The following SLC7A2 variants were observed in gnomAD, a reference collection of about 807,000 sequenced individuals.
SLC7A2 encodes the protein cationic amino acid transporter 2.
SLC7A2 carries 48 observed loss-of-function variants against 58.9 expected under a neutral mutation model. The ratio of observed to expected loss-of-function variants is 0.82; its 90% confidence interval spans 0.65 to 1.04. The LOEUF (loss-of-function observed/expected upper bound fraction) is 1.04. Ranked by LOEUF, SLC7A2 falls within the 50% of genes least tolerant of loss-of-function variation. The probability of loss-of-function intolerance (pLI) is 0.00; values close to 1 mark genes in which losing one functional copy is unlikely to be tolerated. For synonymous variants in SLC7A2, 363 were observed against 314.5 expected (o/e 1.15, Z -1.63); for missense variants, 1,029 against 818.8 (o/e 1.26, Z -3.13).
At chr8:17,508,713 C>CAA in intron 2 of SLC7A2, among the ~76,000 whole-genome samples, 1 of 150,262 alleles carries the variant, frequency 6.7e-6, no homozygotes, top group African/African-American at 2.4e-5. Context: ...GACTCTGTCT[C>CAA]AAAAAAAATA....
At chr8:17,551,301 T>C (rs1291959853) in intron 6 of SLC7A2, among the ~76,000 whole-genome samples, 1 of 152,192 alleles carries the variant, frequency 6.6e-6, no homozygotes, top group African/African-American at 2.4e-5. Flanking sequence ...GGAAATTTCA[T>C]GTAAAACAGA....
chr8:17,501,139 G>A (rs1800143850), intron 1 of SLC7A2, among the ~76,000 whole-genome samples: 1 of 151,830 alleles, frequency 6.6e-6, no homozygotes, highest in East Asian at 1.9e-4. Flanking sequence ...TCAGCCTCCC[G>A]AGTAGCTGGG....
chr8:17,550,904 C>T (rs934585091), intron 6 of SLC7A2, among the ~76,000 whole-genome samples: 1 of 152,140 alleles, frequency 6.6e-6, no homozygotes, highest in Non-Finnish European at 1.5e-5. Context: ...TCTCTAAATG[C>T]CTCCTCTATT....
chr8:17,540,194 G>C (rs775903395), intron 2 of SLC7A2, among the ~76,000 whole-genome samples: 1 of 152,092 alleles, frequency 6.6e-6, no homozygotes, highest in African/African-American at 2.4e-5. Flanking sequence ...GACCCAATAT[G>C]TTTTTTCCTT....
At chr8:17,496,461 T>C (rs777474089), upstream of SLC7A2, among the ~76,000 whole-genome samples, 16 of 152,160 alleles carry the variant, frequency 1.1e-4, no homozygotes, top group Admixed American at 3.9e-4. Context: ...ACTCCTAAAG[T>C]AAACAATAGC....
chr8:17,534,556 C>T (rs1213932909), intron 2 of SLC7A2, among the ~76,000 whole-genome samples: 1 of 152,030 alleles, frequency 6.6e-6, no homozygotes, highest in East Asian at 1.9e-4. Context: ...AAATATCATG[C>T]CAAATATTAC....
At chr8:17,494,756 T>G (rs550723242), upstream of SLC7A2, among the ~76,000 whole-genome samples, 1 of 152,214 alleles carries the variant, frequency 6.6e-6, no homozygotes, top group Non-Finnish European at 1.5e-5. Flanking sequence ...GGATTCAGGG[T>G]TAATCAATAA....
intron 2 of SLC7A2, among the ~76,000 whole-genome samples, chr8:17,540,744 T>C (rs1801876221): frequency 6.6e-6 from 1 of 152,200 alleles, no homozygotes; most frequent in Non-Finnish European, 1.5e-5. Context: ...CTTATTCTTT[T>C]ATTTTTATGC....
chr8:17,518,158 T>G (rs1800874362), intron 2 of SLC7A2, among the ~76,000 whole-genome samples: 1 of 152,130 alleles, frequency 6.6e-6, no homozygotes, highest in African/African-American at 2.4e-5. Flanking sequence ...CCCCTTTCCT[T>G]TGAATTACTT....
intron 2 of SLC7A2, among the ~76,000 whole-genome samples, chr8:17,528,632 G>C (rs895263268): frequency 1.3e-5 from 2 of 152,126 alleles, no homozygotes; most frequent in African/African-American, 4.8e-5. Flanking sequence ...TTAGGGTTCT[G>C]AGGAAGTTAA....
intron 2 of SLC7A2, among the ~76,000 whole-genome samples, chr8:17,541,242 G>C (rs1801899193): frequency 6.6e-6 from 1 of 152,018 alleles, no homozygotes; most frequent in South Asian, 2.1e-4. Context: ...ATAACTTTTT[G>C]CTTCTCAATT....
chr8:17,500,959 A>T (rs1800134666), intron 1 of SLC7A2, among the ~76,000 whole-genome samples: 1 of 151,328 alleles, frequency 6.6e-6, no homozygotes, highest in African/African-American at 2.4e-5. Context: ...ACTGTTATAT[A>T]TCAGTCTATG....
chr8:17,570,048 A>C lies in SLC7A2; in HGVS notation c.*4902A>C, dbSNP rs1487966809. 1 of 152,210 alleles carries C rather than the reference A, an allele frequency of 6.6e-6. No homozygotes were observed. The highest frequency in any genetic ancestry group is 1.5e-5 in the Non-Finnish European group (1 of 68,044). 9.4% of individuals were successfully genotyped at this position (152,210 alleles called of 1,614,324 possible). A position where few individuals can be genotyped will look rare whatever the true frequency, so the allele number is the denominator to read the frequency against. On this transcript the variant is annotated 3_prime_UTR_variant, in exon 13 of 13. Transcript: ENST00000494857. The stretch of plus-strand genomic sequence containing the variant: ...AGTATATCAAGATGAATAAGGACCA[A>C]GGGACCTCTGTGACTCATAGAAGGG...
Position 17,543,800 on chromosome 8 carries a change from T to C in SLC7A2, c.376+85T>C, listed in dbSNP as rs202223590. On this transcript the variant is annotated intron_variant, in intron 3 of 12. Transcript: ENST00000494857. ...CAGCCCTTAGGTTCAGTTGTAGGTG[T>C]TGGGTACATCACTTGATGTCTGTGT... The C allele has an allele frequency of 6.4e-6, 8 of 1,240,662 alleles. No individual in the cohort carries two copies. The East Asian group carries it at 1.9e-4, about 29-fold the overall frequency. The allele number at this position is 1,240,662 out of a possible 1,614,324, so 76.9% of individuals were successfully genotyped here.
intron 8 of SLC7A2, among the ~76,000 whole-genome samples, chr8:17,557,596 C>T (rs371480442): frequency 2.6e-5 from 4 of 152,224 alleles, no homozygotes; most frequent in African/African-American, 9.6e-5. Context: ...CTTGGGAGGC[C>T]GAGGCCAGTG....
chr8:17,523,822 G>C (rs981104159), intron 2 of SLC7A2, among the ~76,000 whole-genome samples: 2 of 151,962 alleles, frequency 1.3e-5, no homozygotes, highest in Non-Finnish European at 2.9e-5. Flanking sequence ...AGAATTAACA[G>C]ACAACCCACA....
At chr8:17,555,046 C>G (rs1802628505) in intron 8 of SLC7A2, 3 of 1,614,004 alleles carry the variant, frequency 1.9e-6, no homozygotes, top group East Asian at 2.2e-5. Flanking sequence ...GAGGCAGTCA[C>G]CAGTTGCTGC....
At chr8:17,558,846 T>A (rs78119763) in intron 9 of SLC7A2, among the ~76,000 whole-genome samples, 4,677 of 152,316 alleles carry the variant, frequency 0.031, 230 homozygotes, top group African/African-American at 0.11. Flanking sequence ...TTCACTGAAC[T>A]CTTCTACAGC....
upstream of SLC7A2, among the ~76,000 whole-genome samples, chr8:17,494,397 G>A (rs1432053542): frequency 6.6e-6 from 1 of 152,166 alleles, no homozygotes; most frequent in Non-Finnish European, 1.5e-5. Flanking sequence ...TCTCTCTGCT[G>A]AAAATGACTA....
Sources: allele counts gnomAD v4.1 joint callset (sites outside exome capture counted in the v4.1 genomes callset), GRCh38; gene constraint gnomAD v4.1.1; transcripts MANE v1.5; gene names NCBI Gene and HGNC (gene_info 2026-07-23, HGNC 2026-07-21).